SLC45A3: variants seen among roughly 807,000 people sequenced by gnomAD.
SLC45A3 encodes the protein prostate cancer associated protein 2.
A neutral mutation model predicts 35.3 loss-of-function variants in SLC45A3; 17 were observed. The ratio of observed to expected loss-of-function variants is 0.48; its 90% confidence interval spans 0.33 to 0.72. The LOEUF (loss-of-function observed/expected upper bound fraction) is 0.72, where lower values mean the gene tolerates loss of function less well. Among genes scored for constraint, SLC45A3 ranks in the 30% least tolerant of loss-of-function variants. The probability of loss-of-function intolerance (pLI) is 0.02; values close to 1 mark genes in which losing one functional copy is unlikely to be tolerated. For missense variants in SLC45A3, 597 were observed against 731.7 expected (o/e 0.82, Z 2.12); for synonymous variants, 288 against 334.3 (o/e 0.86, Z 1.51).
intron 1 of SLC45A3, among the ~76,000 whole-genome samples, chr1:205,673,945 C>A (rs1313961107): frequency 2.0e-5 from 3 of 152,374 alleles, no homozygotes; most frequent in Non-Finnish European, 2.9e-5. Context: ...CCCAACACCA[C>A]AGAGCCTCAA....
chr1:205,671,939 A>G (rs569800911), intron 1 of SLC45A3, among the ~76,000 whole-genome samples: 15 of 152,324 alleles, frequency 9.8e-5, no homozygotes, highest in African/African-American at 3.6e-4. Context: ...CATTGAGGTT[A>G]TAATACATAC....
intron 1 of SLC45A3, among the ~76,000 whole-genome samples, chr1:205,678,092 G>A (rs564992879): frequency 6.6e-6 from 1 of 152,196 alleles, no homozygotes; most frequent in African/African-American, 2.4e-5. Flanking sequence ...TGAGGCGGGT[G>A]GATCACCTGA....
chr1:205,670,207 C>T lies in SLC45A3; in HGVS notation c.-230-5321G>A, dbSNP rs908073786. Among the ~76,000 whole-genome samples, 8 of 152,330 alleles carry T rather than the reference C, an allele frequency of 5.3e-5. No individual in the cohort carries two copies. In the East Asian group the frequency reaches 9.6e-4, roughly 18 times the overall value. On this transcript the variant is annotated intron_variant, in intron 1 of 4. Coordinates refer to ENST00000367145, the MANE Select transcript of SLC45A3 (RefSeq NM_033102.3). ...AAATGAGCATTCTTGTGAGACAATG[C>T]GCTCCCCATCATGACAGATCCCCTT...
rs777890504 is a variant in SLC45A3, at chr1:205,661,938, C to A, written c.1147G>T (p.Ala383Ser). Residue 383 changes from alanine to serine, a missense_variant, in exon 4 of 5, where the codon GCC becomes TCC. Physicochemically the swap from Ala to Ser is moderately conservative, Grantham distance 99. This residue lies in a region of SLC45A3 where 555 missense variants were observed against 664.9 expected (regional missense o/e 0.83). Coordinates refer to ENST00000367145, the MANE Select transcript of SLC45A3 (RefSeq NM_033102.3). The part of the protein sequence containing the change: ...HSVAVVTASA[A>S]LTGFTFSALQ... ...GCTGAGAAGGTGAACCCGGTGAGGGCGGCTGAAGCTGTCACCACGGCCACA... is the reference window on the plus strand; with the variant it reads ...GCTGAGAAGGTGAACCCGGTGAGGGAGGCTGAAGCTGTCACCACGGCCACA... 1 of 1,614,196 alleles carries A rather than the reference C, an allele frequency of 6.2e-7. No individual in the cohort carries two copies. Among genetic ancestry groups the A allele is most frequent in the Non-Finnish European group, 8.5e-7 (1 of 1,180,034 alleles).
rs201668481 is a variant in SLC45A3 at position 205,659,489 on chromosome 1, G to A, written c.1407C>T (p.Ser469=). The A allele has an allele frequency of 4.3e-5, 69 of 1,613,870 alleles. 1 individual carries two copies. Among genetic ancestry groups the A allele is most frequent in the African/African-American group, 2.1e-4 (16 of 75,046 alleles). Residue 469 remains serine, a synonymous_variant, in exon 5 of 5, where the codon TCC becomes TCT. Coordinates refer to ENST00000367145, the MANE Select transcript of SLC45A3 (RefSeq NM_033102.3). The surrounding 1 kb of genome is among the most constrained non-coding windows in gnomAD (Gnocchi z 5.8). ...ALCGASACDV[S]VRVVVGEPTE... ...TGGGCTCACCCACCACCACACGTAC[G>A]GAGACATCACAGGCAGAGGCCCCGC...
intron 1 of SLC45A3, among the ~76,000 whole-genome samples, chr1:205,675,306 G>A (rs1671293043): frequency 1.3e-5 from 2 of 152,198 alleles, no homozygotes; most frequent in African/African-American, 2.4e-5. Context: ...TTTTTAGGCT[G>A]TATGGCTGGC....
intron 1 of SLC45A3, among the ~76,000 whole-genome samples, chr1:205,675,854 T>C (rs1054262872): frequency 6.6e-6 from 1 of 152,138 alleles, no homozygotes; most frequent in Non-Finnish European, 1.5e-5. Context: ...CTCTCCCTGC[T>C]AAATCTCAAC....
chr1:205,678,783 T>A (rs1193325345), intron 1 of SLC45A3, among the ~76,000 whole-genome samples: 1 of 152,190 alleles, frequency 6.6e-6, no homozygotes, highest in Non-Finnish European at 1.5e-5. Flanking sequence ...GAGTCCTGGC[T>A]CCACGACAGG....
chr1:205,659,631 C>T lies in SLC45A3; in HGVS notation c.1265G>A (p.Ser422Asn). Residue 422 changes from serine (S) to asparagine (N), a missense_variant, in exon 5 of 5, where the codon AGC becomes AAC. By Grantham distance (46) the Ser-to-Asn change is conservative. Around this residue, in one of 3 missense-constraint regions of SLC45A3, gnomAD observed 555 missense variants for 664.9 expected, o/e 0.83. Transcript: ENST00000367145. This position sits in a 1 kb window ranked among gnomAD's most constrained non-coding sequence, Gnocchi z 5.8. ...GCTGGTCATCAGGCTGTCCTCACTG[C>T]TAGCACCTCCAGTGTCCCCTCGGTA... ...PKYRGDTGGA[S>N]SEDSLMTSFL... 1 of 1,538,664 alleles carries T rather than the reference C, an allele frequency of 6.5e-7. No homozygotes were observed. Among genetic ancestry groups the T allele is most frequent in the Non-Finnish European group, 8.7e-7 (1 of 1,146,018 alleles).
Position 205,659,420 on chromosome 1 carries a change from G to A in SLC45A3, c.1476C>T (p.Leu492=), listed in dbSNP as rs149147695. 3.3e-5 allele frequency: 54 copies of A among 1,614,164 alleles called. No homozygotes were observed. In the African/African-American group the frequency reaches 3.6e-4, roughly 11 times the overall value. Residue 492 remains leucine, a synonymous_variant, in exon 5 of 5, where the codon CTC becomes CTT. Coordinates refer to ENST00000367145, the MANE Select transcript of SLC45A3 (RefSeq NM_033102.3). This position sits in a 1 kb window ranked among gnomAD's most constrained non-coding sequence, Gnocchi z 5.8. ...VVPGRGICLD[L]AILDSAFLLS... ...GCAGGAAGGCACTATCCAGGATGGC[G>A]AGGTCCAGGCAGATGCCCCGGCCCG... is the stretch of plus-strand genomic sequence containing the variant.
Position 205,663,632 on chromosome 1 carries a change from A to G in SLC45A3, c.173-14T>C, listed in dbSNP as rs1671068718. ...CTGGACCAATGCCTGCAAGAAGGGA[A>G]GTAGTATGAGTCAATGGCTGGGACA... On this transcript the variant is annotated splice_polypyrimidine_tract_variant and intron_variant, in intron 2 of 4. Transcript: ENST00000367145. The G allele has an allele frequency of 6.5e-7, 1 of 1,547,072 alleles. No individual in the cohort carries two copies. The highest frequency in any genetic ancestry group is 1.2e-5 in the South Asian group (1 of 81,686).
Position 205,662,230 on chromosome 1 carries a change from T to C in SLC45A3, c.959-104A>G, listed in dbSNP as rs1274706588. The C allele has an allele frequency of 2.7e-6, 4 of 1,475,398 alleles. No homozygotes were observed. The highest frequency in any genetic ancestry group is 3.6e-6 in the Non-Finnish European group (4 of 1,112,222). The allele number at this position is 1,475,398 out of a possible 1,614,324, so 91.4% of individuals were successfully genotyped here. On this transcript the variant is annotated intron_variant, in intron 3 of 4. Coordinates refer to ENST00000367145, the MANE Select transcript of SLC45A3 (RefSeq NM_033102.3). This position sits in a 1 kb window ranked among gnomAD's most constrained non-coding sequence, Gnocchi z 6.2. ...CCACAGGTACCTGCTGCACGAGACC[T>C]GCTGTGGACCAGCCCTGCTCCCCAG... is the stretch of plus-strand genomic sequence containing the variant.
At chr1:205,670,695 G>A (rs1475571506) in intron 1 of SLC45A3, among the ~76,000 whole-genome samples, 5 of 152,202 alleles carry the variant, frequency 3.3e-5, no homozygotes, top group African/African-American at 9.6e-5. Flanking sequence ...GCTGCAGGCC[G>A]GGACACAAAG....
Position 205,659,440 on chromosome 1 carries a change from G to A in SLC45A3, c.1456C>T (p.Arg486Trp), listed in dbSNP as rs142259819. Residue 486 changes from arginine (R) to tryptophan (W), a missense_variant, in exon 5 of 5, where the codon CGG (arginine) becomes TGG (tryptophan). Coordinates refer to ENST00000367145, the MANE Select transcript of SLC45A3 (RefSeq NM_033102.3). The surrounding 1 kb of genome is among the most constrained non-coding windows in gnomAD (Gnocchi z 5.8). ...EPTEARVVPGRGICLDLAILD... is the reference protein window; with the variant it reads ...EPTEARVVPGWGICLDLAILD... ...ATGGCGAGGTCCAGGCAGATGCCCC[G>A]GCCCGGAACCACCCTGGCCTCGGTG... The A allele has an allele frequency of 1.0e-4, 162 of 1,613,938 alleles. No homozygotes were observed. The highest frequency in any genetic ancestry group is 3.3e-4 in the Admixed American group (20 of 59,990).
chr1:205,667,654 G>A (rs552911412), intron 1 of SLC45A3, among the ~76,000 whole-genome samples: 69 of 152,068 alleles, frequency 4.5e-4, no homozygotes, highest in African/African-American at 1.6e-3. Flanking sequence ...AGCTATGATC[G>A]TGCCAGTGTT....
rs1254506841 is a variant in SLC45A3, at chr1:205,666,027, C to T, written c.-230-1141G>A. On this transcript the variant is annotated intron_variant, in intron 1 of 4. Coordinates refer to ENST00000367145, the MANE Select transcript of SLC45A3 (RefSeq NM_033102.3). The surrounding 1 kb of genome is among the most constrained non-coding windows in gnomAD (Gnocchi z 4.1). Reference sequence around the variant, plus strand: ...TGAAACCCCATCTCTGCTAAAAATACAAAAATTAGCCAGGCATGGTGGCAG... The same window carrying T: ...TGAAACCCCATCTCTGCTAAAAATATAAAAATTAGCCAGGCATGGTGGCAG... Among the ~76,000 whole-genome samples, 1 of 151,848 alleles carries T rather than the reference C, an allele frequency of 6.6e-6. No homozygotes were observed. Among genetic ancestry groups the T allele is most frequent in the Non-Finnish European group, 1.5e-5 (1 of 67,958 alleles).
Position 205,659,287 on chromosome 1 carries a change from A to C in SLC45A3, c.1609T>G (p.Phe537Val). The C allele has an allele frequency of 6.2e-7, 1 of 1,614,178 alleles. No individual in the cohort carries two copies. Among genetic ancestry groups the C allele is most frequent in the Non-Finnish European group, 8.5e-7 (1 of 1,180,022 alleles). The stretch of plus-strand genomic sequence containing the variant: ...TTGTCAAATACTACCTGTGTAGCAA[A>C]GTAAATGGCGACCAGACCCAGGCCT... ...AAGLGLVAIY[F>V]ATQVVFDKSD... The change falls in exon 5 of 5, where the codon TTT (phenylalanine) becomes GTT (valine). Residue 537 changes from phenylalanine to valine, a missense_variant. Around this residue, in one of 3 missense-constraint regions of SLC45A3, gnomAD observed 555 missense variants for 664.9 expected, o/e 0.83. Transcript: ENST00000367145. The surrounding 1 kb of genome is among the most constrained non-coding windows in gnomAD (Gnocchi z 5.8).
At chr1:205,665,456 G>C (rs897109652) in intron 1 of SLC45A3, among the ~76,000 whole-genome samples, 8 of 152,136 alleles carry the variant, frequency 5.3e-5, no homozygotes, top group Admixed American at 2.6e-4. Context: ...CTTACAGAAG[G>C]CTCCCTGGGG....
intron 1 of SLC45A3, among the ~76,000 whole-genome samples, chr1:205,672,364 G>A (rs1415179102): frequency 6.6e-6 from 1 of 152,214 alleles, no homozygotes; most frequent in African/African-American, 2.4e-5. Flanking sequence ...GAGGAAGGCT[G>A]AGAAGGGAGG....
Sources: allele counts gnomAD v4.1 joint callset (sites outside exome capture counted in the v4.1 genomes callset), GRCh38; gene constraint gnomAD v4.1.1; regional missense constraint gnomAD v4.1.1; non-coding constraint Gnocchi (gnomAD v3.1); transcripts MANE v1.5; gene names NCBI Gene and HGNC (gene_info 2026-07-23, HGNC 2026-07-21).